The following DNAJC24 variants were observed in gnomAD, a reference collection of about 807,000 sequenced individuals.
DNAJC24 encodes the protein dnaJ homolog subfamily C member 24.
In DNAJC24, 17 loss-of-function variants were observed where a neutral mutation model predicts 18.0. The ratio of observed to expected loss-of-function variants is 0.94; its 90% CI spans 0.65 to 1.42. The LOEUF (loss-of-function observed/expected upper bound fraction) is 1.42. DNAJC24 is among the 40% of genes most tolerant of loss of function. DNAJC24 has a pLI of 0.00. For synonymous variants in DNAJC24, 55 were observed against 57.7 expected (o/e 0.95, Z 0.21); for missense variants, 158 against 175.6 (o/e 0.90, Z 0.57).
At chr11:31,383,808 A>G (rs1263094316) in intron 2 of DNAJC24, among the ~76,000 whole-genome samples, 1 of 152,208 alleles carries the variant, frequency 6.6e-6, no homozygotes, top group Non-Finnish European at 1.5e-5. Flanking sequence ...ATGTAACAGA[A>G]TGTATCTCCT....
chr11:31,427,163 A>G (rs1952870677), intron 4 of DNAJC24: 1 of 152,202 alleles, frequency 6.6e-6, no homozygotes, highest in African/African-American at 2.4e-5. Context: ...CAGGTTTATA[A>G]AAATCTACTA....
chr11:31,424,167 A>G (rs1199636292), intron 3 of DNAJC24, among the ~76,000 whole-genome samples: 2 of 152,190 alleles, frequency 1.3e-5, no homozygotes, highest in Non-Finnish European at 2.9e-5. Flanking sequence ...TACAATTAGT[A>G]TATTACAGGT....
rs1591896147 is a variant in DNAJC24, at chr11:31,372,228, A to AAGTCTCACAAG, written c.111+1370_111+1371insGTCTCACAAGA. ...TGATGCTTCTTAAGCCAATGTCTGTAATTCTATACCGACGTCCGGTTAACT... is the reference window on the plus strand; with the variant it reads ...TGATGCTTCTTAAGCCAATGTCTGTAAGTCTCACAAGATTCTATACCGACGTCCGGTTAACT... On this transcript the variant is annotated intron_variant, in intron 2 of 4. Transcript: ENST00000465995. 1.9e-3 allele frequency among the ~76,000 whole-genome samples: 268 copies of AAGTCTCACAAG among 141,058 alleles called. 13 individuals carry two copies. Among genetic ancestry groups the AAGTCTCACAAG allele is most frequent in the South Asian group, 3.2e-3 (14 of 4,366 alleles). 92.5% of individuals were successfully genotyped at this position (141,058 alleles called of 152,430 possible).
chr11:31,412,372 A>G (rs886687814), intron 2 of DNAJC24, among the ~76,000 whole-genome samples: 4 of 152,204 alleles, frequency 2.6e-5, no homozygotes, highest in Admixed American at 2.0e-4. Context: ...TGCTTGTGAC[A>G]TACTGAATTA....
At chr11:31,386,454 T>G (rs1037405114) in intron 2 of DNAJC24, among the ~76,000 whole-genome samples, 1 of 77,252 alleles carries the variant, frequency 1.3e-5, no homozygotes, top group Non-Finnish European at 2.9e-5. Flanking sequence ...AGGCCCCCCA[T>G]TCTAGGCTGT....
At chr11:31,422,886 A>G (rs1249963285) in intron 3 of DNAJC24, among the ~76,000 whole-genome samples, 1 of 152,046 alleles carries the variant, frequency 6.6e-6, no homozygotes, top group Non-Finnish European at 1.5e-5. Context: ...CCATCCTTGG[A>G]CACCTGCCTC....
At chr11:31,378,959 T>C (rs1952347227) in intron 2 of DNAJC24, among the ~76,000 whole-genome samples, 1 of 152,174 alleles carries the variant, frequency 6.6e-6, no homozygotes, top group African/African-American at 2.4e-5. Context: ...TCCAGTAAAA[T>C]TGTGCTAGGA....
chr11:31,426,212 C>T lies in DNAJC24; in HGVS notation c.251-75C>T, dbSNP rs139548263. 9.9e-3 allele frequency: 9,558 copies of T among 969,028 alleles called. 85 individuals are homozygous for T. The highest frequency in any genetic ancestry group is 0.023 in the Middle Eastern group (109 of 4,682). 60.0% of individuals were successfully genotyped at this position (969,028 alleles called of 1,614,324 possible). The stretch of plus-strand genomic sequence containing the variant: ...AATTGTAGTGGCCAGGCTGGCGTTG[C>T]CTTTTTAGCATTCTTCAAGGTTACA... On this transcript the variant is annotated intron_variant, in intron 3 of 4. Transcript: ENST00000465995.
chr11:31,429,300 G>A (rs1952895583), intron 4 of DNAJC24, among the ~76,000 whole-genome samples: 1 of 151,350 alleles, frequency 6.6e-6, no homozygotes, highest in African/African-American at 2.4e-5. Flanking sequence ...TAAGAGAGCA[G>A]GTACAAGGCA....
At chr11:31,373,989 T>G (rs1252159911) in intron 2 of DNAJC24, 1 of 250,772 alleles carries the variant, frequency 4.0e-6, no homozygotes, top group East Asian at 7.9e-5. Flanking sequence ...CATAGCTATT[T>G]TTGTCAATTT....
chr11:31,413,004 C>T (rs1952722583), intron 2 of DNAJC24, among the ~76,000 whole-genome samples: 1 of 152,138 alleles, frequency 6.6e-6, no homozygotes, highest in Non-Finnish European at 1.5e-5. Flanking sequence ...GTATTTGACT[C>T]AATTTACTGA....
Position 31,375,040 on chromosome 11 carries a change from G to T in DNAJC24, c.111+4181G>T, listed in dbSNP as rs749662709. 8.9e-5 allele frequency among the ~76,000 whole-genome samples: 12 copies of T among 134,112 alleles called. 4 individuals carry two copies. Among genetic ancestry groups the T allele is most frequent in the Non-Finnish European group, 1.7e-4 (10 of 58,126 alleles). 88.0% of individuals were successfully genotyped at this position (134,112 alleles called of 152,430 possible). On this transcript the variant is annotated intron_variant, in intron 2 of 4. Coordinates refer to ENST00000465995, the MANE Select transcript of DNAJC24 (RefSeq NM_181706.5). ...AGAGGGATGAAAGTGTGAGCCAGTT[G>T]CTGTGGTTCACACTTGTAATCTTAG...
At chr11:31,381,038 G>A (rs1004067385) in intron 2 of DNAJC24, among the ~76,000 whole-genome samples, 1 of 152,122 alleles carries the variant, frequency 6.6e-6, no homozygotes, top group Non-Finnish European at 1.5e-5. Flanking sequence ...AGTCTGATTA[G>A]TGCATTTGGG....
chr11:31,426,249 ATG>A, intron 3 of DNAJC24, 36 bp from the exon 4 acceptor site: 1 of 1,287,026 alleles, frequency 7.8e-7, no homozygotes, highest in Non-Finnish European at 1.1e-6. Context: ...TTAAAGTATC[ATG>A]TTTTACAATT....
chr11:31,408,690 G>T (rs1952677953), intron 2 of DNAJC24, among the ~76,000 whole-genome samples: 1 of 151,934 alleles, frequency 6.6e-6, no homozygotes, highest in Non-Finnish European at 1.5e-5. Context: ...CTTTATTTTT[G>T]TATCAAGAAA....
chr11:31,394,336 ACT>A (rs1215768263), intron 2 of DNAJC24, among the ~76,000 whole-genome samples: 1 of 152,180 alleles, frequency 6.6e-6, no homozygotes, highest in African/African-American at 2.4e-5. Context: ...ATGTCAAGTG[ACT>A]CAAGTTTTTC....
chr11:31,426,390 A>G, intron 4 of DNAJC24, 35 bp downstream of exon 4: 2 of 1,238,836 alleles, frequency 1.6e-6, no homozygotes, highest in Non-Finnish European at 1.1e-6. Context: ...AACATTTAAA[A>G]AAAAAAGGAA....
rs562694451 is a variant in DNAJC24, at chr11:31,413,252, A to G, written c.112-1559A>G. On this transcript the variant is annotated intron_variant, in intron 2 of 4. Transcript: ENST00000465995. ...AATTAAAAAAAAACTATTCTACATT[A>G]AAAGGACATTCCTAAGTTTACTTTT... Among the ~76,000 whole-genome samples the G allele has an allele frequency of 2.6e-5, 4 of 152,260 alleles. No individual in the cohort carries two copies. The East Asian group carries it at 7.7e-4, about 29-fold the overall frequency.
intron 2 of DNAJC24, among the ~76,000 whole-genome samples, chr11:31,385,864 C>T (rs1371478419): frequency 3.3e-5 from 5 of 152,138 alleles, no homozygotes; most frequent in Non-Finnish European, 4.4e-5. Flanking sequence ...GAAAGACAGT[C>T]TTTAATCACC....
Sources: gnomAD v4.1 joint callset for allele counts (sites outside exome capture counted in the v4.1 genomes callset) on GRCh38, gnomAD v4.1.1 for gene constraint, MANE v1.5 for transcripts, NCBI Gene and HGNC (gene_info 2026-07-23, HGNC 2026-07-21) for gene names.